The following VSIG10 variants were observed in gnomAD, a reference collection of about 807,000 sequenced individuals.
The protein encoded by VSIG10 is V-set and immunoglobulin domain-containing protein 10.
Under a neutral mutation model 58.7 loss-of-function variants are expected in VSIG10, and 48 were observed. The observed-to-expected ratio is 0.82, with a 90% CI of 0.65 to 1.04. VSIG10 has a LOEUF of 1.04. VSIG10 is among the 50% of genes least tolerant of loss of function. VSIG10 has a pLI of 0.00. For missense variants in VSIG10, 628 were observed against 670.0 expected (o/e 0.94, Z 0.69); for synonymous variants, 260 against 267.1 (o/e 0.97, Z 0.26).
rs746274438 is a variant in VSIG10, at chr12:118,082,156, C to T, written c.635G>A (p.Arg212Gln). 7.4e-6 allele frequency: 12 copies of T among 1,613,502 alleles called. No individual in the cohort carries two copies. Among genetic ancestry groups the T allele is most frequent in the Admixed American group, 1.7e-5 (1 of 59,952 alleles). ...LALNQLSKRH[R>Q]KVTTELLVYY... ...GACCAGGAGCTCGGTGGTCACCTTTCGATGTCTCTTGCTGAGCTGATTCAA... is the reference window on the plus strand; with the variant it reads ...GACCAGGAGCTCGGTGGTCACCTTTTGATGTCTCTTGCTGAGCTGATTCAA... Residue 212 changes from arginine to glutamine, a missense_variant, in exon 3 of 9, where the codon CGA (arginine) becomes CAA (glutamine). Transcript: ENST00000359236.
At chr12:118,094,686 C>T (rs114393358) in intron 2 of VSIG10, among the ~76,000 whole-genome samples, 61 of 151,036 alleles carry the variant, frequency 4.0e-4, no homozygotes, top group African/African-American at 1.4e-3. Context: ...CCTGGCCTAA[C>T]GCACTTTATA....
At chr12:118,089,947 T>C (rs2033244083) in intron 2 of VSIG10, among the ~76,000 whole-genome samples, 1 of 152,164 alleles carries the variant, frequency 6.6e-6, no homozygotes, top group Non-Finnish European at 1.5e-5. Flanking sequence ...AACACATACA[T>C]TTTCCATGTG....
intron 5 of VSIG10, among the ~76,000 whole-genome samples, chr12:118,072,191 C>T (rs866307754): frequency 1.8e-4 from 27 of 151,156 alleles, no homozygotes; most frequent in African/African-American, 4.9e-4. Context: ...GAGGGCCGGG[C>T]GCGGTGGCTC....
chr12:118,073,742 G>A lies in VSIG10; in HGVS notation c.1176C>T (p.Ser392=). The A allele has an allele frequency of 6.2e-7, 1 of 1,613,828 alleles. No homozygotes were observed. Among genetic ancestry groups the A allele is most frequent in the South Asian group, 1.1e-5 (1 of 91,054 alleles). The change falls in exon 5 of 9, where the codon AGC becomes AGT. Residue 392 remains serine, a synonymous_variant. Transcript: ENST00000359236. ...DEGYYICRAD[S]PVGVREMEIW... is the part of the protein sequence containing the mutation. ...TTTCCATCTCCCTCACCCCTACAGG[G>A]CTGTCAGCTCGGCAGATGTAGTAGC...
In VSIG10 at chr12:118,066,565, G is replaced by A; in HGVS notation, c.*74C>T. On this transcript the variant is annotated 3_prime_UTR_variant, in exon 9 of 9. Transcript: ENST00000359236. ...CGCCAGGGGTGCAGGTGGAGTCAAA[G>A]CTGAATGAAGAGCTCGTCTTCAATG... 1.3e-6 allele frequency: 2 copies of A among 1,565,056 alleles called. No homozygotes were observed. Among genetic ancestry groups the A allele is most frequent in the African/African-American group, 1.4e-5 (1 of 73,954 alleles).
chr12:118,069,631 T>C (rs2032403634), intron 7 of VSIG10, among the ~76,000 whole-genome samples: 1 of 151,948 alleles, frequency 6.6e-6, no homozygotes, highest in African/African-American at 2.4e-5. Context: ...TTCTGCATGT[T>C]GGTCAGGCTG....
intron 1 of VSIG10, among the ~76,000 whole-genome samples, chr12:118,097,623 GAAAC>G (rs1030632988): frequency 2.1e-4 from 32 of 150,292 alleles, no homozygotes; most frequent in Middle Eastern, 6.9e-3. Flanking sequence ...TCAAAAACAA[GAAAC>G]AAACAAACAA....
At chr12:118,078,512 T>G (rs2032815351) in intron 4 of VSIG10, among the ~76,000 whole-genome samples, 3 of 152,076 alleles carry the variant, frequency 2.0e-5, no homozygotes, top group Admixed American at 2.0e-4. Context: ...TTGCTTCCTC[T>G]CTCACTATGG....
intron 1 of VSIG10, among the ~76,000 whole-genome samples, chr12:118,100,908 T>A (rs1428651572): frequency 6.6e-6 from 1 of 152,216 alleles, no homozygotes; most frequent in Non-Finnish European, 1.5e-5. Flanking sequence ...AAGATGAACT[T>A]CAGAGTTACA....
intron 2 of VSIG10, among the ~76,000 whole-genome samples, chr12:118,087,796 C>CCACTG: frequency 7.0e-6 from 1 of 142,392 alleles, no homozygotes; most frequent in East Asian, 2.1e-4. Context: ...CGAAATCACA[C>CCACTG]CACTGCACTC....
rs568223959 is a variant in VSIG10, at chr12:118,093,832, C to T, written c.361+1701G>A. Among the ~76,000 whole-genome samples the T allele has an allele frequency of 1.1e-4, 17 of 152,048 alleles. No individual in the cohort carries two copies. The East Asian group carries it at 3.1e-3, about 28-fold the overall frequency. The stretch of plus-strand genomic sequence containing the variant: ...GCTGAGGCAGGAGAATCACTTGAAC[C>T]CGGGAGGCAGAGGTTGTGGTGAGCC... On this transcript the variant is annotated intron_variant, in intron 2 of 8. Coordinates refer to ENST00000359236, the MANE Select transcript of VSIG10 (RefSeq NM_019086.6).
At chr12:118,085,390 G>A (rs112709275) in intron 2 of VSIG10, among the ~76,000 whole-genome samples, 3,403 of 152,240 alleles carry the variant, frequency 0.022, 137 homozygotes, top group African/African-American at 0.077. Context: ...CATTGCTCAC[G>A]TGCGAGCTGG....
At position 118,073,900 on chromosome 12, in the gene VSIG10, CA is replaced by C. The variant is rs1449305737; in HGVS notation, c.1017del (p.Ala340ProfsTer6). ...AGGTTCCTCAGCCACAGGATCTTGG[CA>C]GGGGGGTAGGCCCCAGACACCTGGC... Reference protein sequence around the residue: ...LTCQVSGAYPPAKILWLRNLT... With the variant: ...LTCQVSGAYPXAKILWLRNLT... On this transcript the variant is annotated frameshift_variant, in exon 5 of 9. Coordinates refer to ENST00000359236, the MANE Select transcript of VSIG10 (RefSeq NM_019086.6). LOFTEE classifies it high-confidence loss of function. The C allele has an allele frequency of 8.1e-6, 13 of 1,613,652 alleles. No individual in the cohort carries two copies. Among genetic ancestry groups the C allele is most frequent in the Non-Finnish European group, 1.1e-5 (13 of 1,179,746 alleles).
rs2032246285 is a variant in VSIG10 at position 118,066,358 on chromosome 12, G to C, written c.*281C>G. The C allele has an allele frequency of 4.3e-6, 2 of 465,586 alleles. No individual in the cohort carries two copies. The highest frequency in any genetic ancestry group is 4.1e-5 in the African/African-American group (2 of 49,088). The allele number at this position is 465,586 out of a possible 1,614,324, so 28.8% of individuals were successfully genotyped here. A position where few individuals can be genotyped will look rare whatever the true frequency, so the allele number is the denominator to read the frequency against. ...ATCACAGTAGATCAACCTGGATAAA[G>C]CCAGGATTCACAGCAGAAGTGGCAC... On this transcript the variant is annotated 3_prime_UTR_variant, in exon 9 of 9. Transcript: ENST00000359236.
intron 1 of VSIG10, 57 bp from the exon 2 acceptor site, chr12:118,095,871 T>A: frequency 6.5e-7 from 1 of 1,532,134 alleles, no homozygotes; most frequent in East Asian, 2.4e-5. Flanking sequence ...ACAATGTCCC[T>A]TTTTGGACAG....
intron 4 of VSIG10, among the ~76,000 whole-genome samples, chr12:118,078,439 G>A (rs1455855861): frequency 6.6e-6 from 1 of 152,096 alleles, no homozygotes; most frequent in Non-Finnish European, 1.5e-5. Flanking sequence ...GATTACAGGT[G>A]TGAGCTACCA....
chr12:118,070,636 A>G (rs1227999197), intron 7 of VSIG10, among the ~76,000 whole-genome samples: 1 of 152,184 alleles, frequency 6.6e-6, no homozygotes, highest in African/African-American at 2.4e-5. Flanking sequence ...AGAAAATTAA[A>G]TAAAACAAAT....
intron 2 of VSIG10, among the ~76,000 whole-genome samples, chr12:118,094,568 G>C (rs1022528376): frequency 2.0e-5 from 3 of 151,278 alleles, no homozygotes; most frequent in Non-Finnish European, 4.4e-5. Context: ...ATTTTTAGTA[G>C]AGATGGGGTT....
chr12:118,073,087 C>T (rs1331386802), intron 5 of VSIG10, among the ~76,000 whole-genome samples: 5 of 152,112 alleles, frequency 3.3e-5, no homozygotes, highest in Non-Finnish European at 7.4e-5. Flanking sequence ...GCAATTCTGC[C>T]TCAGACTTCC....
Sources: gnomAD v4.1 joint callset for allele counts (sites outside exome capture counted in the v4.1 genomes callset) on GRCh38, gnomAD v4.1.1 for gene constraint, MANE v1.5 for transcripts, NCBI Gene and HGNC (gene_info 2026-07-23, HGNC 2026-07-21) for gene names.